Variants in UGT2A2 observed in about 807,000 individuals in gnomAD.
The protein encoded by UGT2A2 is UDP-glucuronosyltransferase 2A2.
Under a neutral mutation model 50.7 loss-of-function variants are expected in UGT2A2, and 60 were observed. That is an observed-to-expected ratio of 1.18 (90% CI 0.96 to 1.47). The LOEUF (loss-of-function observed/expected upper bound fraction) is 1.47, where lower values mean the gene tolerates loss of function less well. Ranked by LOEUF, UGT2A2 falls within the 40% of genes most tolerant of loss-of-function variation. UGT2A2 has a pLI of 0.00. For synonymous variants in UGT2A2, 242 were observed against 214.6 expected, an observed-to-expected ratio of 1.13 and a Z score of -1.11; for missense variants, 762 against 634.0, an observed-to-expected ratio of 1.20 and a Z score of -2.17.
At chr4:69,633,807 G>A (rs1721518136) in intron 1 of UGT2A2, among the ~76,000 whole-genome samples, 1 of 152,172 alleles carries the variant, frequency 6.6e-6, no homozygotes, top group African/African-American at 2.4e-5. Context: ...TGTGGGGACT[G>A]ATAAGCGGAT....
chr4:69,594,477 G>A lies in UGT2A2; in HGVS notation c.1331C>T (p.Ser444Phe), dbSNP rs773148820. ...AGTTTTTAGGAGCCTTAGTACTTACGAAGGTTCATTAATGACTGTTCTCAA... is the reference window on the plus strand; with the variant it reads ...AGTTTTTAGGAGCCTTAGTACTTACAAAGGTTCATTAATGACTGTTCTCAA... The part of the protein sequence containing the change: ...SALRTVINEP[S>F]YKENAMRLSR... The change falls in exon 5 of 6, where the codon TCT (serine) becomes TTT (phenylalanine). Residue 444 changes from serine to phenylalanine, a missense_variant and splice_region_variant. Transcript: ENST00000604629. The A allele has an allele frequency of 6.8e-6, 11 of 1,613,928 alleles. No individual in the cohort carries two copies. The African/African-American group carries it at 8.0e-5, about 12-fold the overall frequency.
At chr4:69,591,684 G>T (rs1264041684) in intron 5 of UGT2A2, among the ~76,000 whole-genome samples, 1 of 152,086 alleles carries the variant, frequency 6.6e-6, no homozygotes, top group Non-Finnish European at 1.5e-5. Flanking sequence ...AGTCCATTTG[G>T]ATGGTTGGGT....
chr4:69,607,169 T>C (rs1026738253), intron 1 of UGT2A2, among the ~76,000 whole-genome samples: 3 of 132,274 alleles, frequency 2.3e-5, no homozygotes, highest in African/African-American at 8.6e-5. Context: ...CTTCAAACTA[T>C]ACTGCAAGGC....
Position 69,599,451 on chromosome 4 carries a change from GA to G in UGT2A2, c.743-58del, listed in dbSNP as rs1014011615. 8.9e-5 allele frequency: 140 copies of G among 1,572,402 alleles called. No homozygotes were observed. The African/African-American group carries it at 1.4e-3, about 16-fold the overall frequency. On this transcript the variant is annotated intron_variant, in intron 1 of 5. Coordinates refer to ENST00000604629, the MANE Select transcript of UGT2A2 (RefSeq NM_001105677.2). ...AATTAGCTTATATGTTTGCTGAGGA[GA>G]AAAAAAAGCTACCAGTAATTTCCTG... is the stretch of plus-strand genomic sequence containing the variant.
intron 1 of UGT2A2, among the ~76,000 whole-genome samples, chr4:69,623,926 G>A (rs1720895342): frequency 6.6e-6 from 1 of 151,520 alleles, no homozygotes; most frequent in Admixed American, 6.6e-5. Flanking sequence ...TGGCCAGAAT[G>A]CCCAGGACAA....
Position 69,588,749 on chromosome 4 carries a change from G to A in UGT2A2, c.*623C>T, listed in dbSNP as rs1718401113. On this transcript the variant is annotated 3_prime_UTR_variant, in exon 6 of 6. Coordinates refer to ENST00000604629, the MANE Select transcript of UGT2A2 (RefSeq NM_001105677.2). ...AAGAATATATGTTGAAGAAAGGCAG[G>A]CAAGTTATGCCGTGATTTTCTAGAT... 6.6e-6 allele frequency: 1 copy of A among 151,988 alleles called. No homozygotes were observed. The highest frequency in any genetic ancestry group is 2.4e-5 in the African/African-American group (1 of 41,386). The allele number at this position is 151,988 out of a possible 1,614,324, so 9.4% of individuals were successfully genotyped here.
At chr4:69,638,229 T>C (rs1442880365) in intron 1 of UGT2A2, among the ~76,000 whole-genome samples, 3 of 151,822 alleles carry the variant, frequency 2.0e-5, no homozygotes, top group Non-Finnish European at 4.4e-5. Flanking sequence ...GAGAAGGAAA[T>C]AAAAATATAA....
At chr4:69,633,084 GAAGT>G (rs1721476291) in intron 1 of UGT2A2, among the ~76,000 whole-genome samples, 2 of 152,222 alleles carry the variant, frequency 1.3e-5, no homozygotes, top group African/African-American at 2.4e-5. Flanking sequence ...TGAAGAATGA[GAAGT>G]AAGAGGTAGG....
intron 1 of UGT2A2, among the ~76,000 whole-genome samples, chr4:69,627,476 G>A (rs200667558): frequency 1.6e-5 from 1 of 63,430 alleles, no homozygotes; most frequent in Non-Finnish European, 3.3e-5. Flanking sequence ...AGGCAGGCAG[G>A]CAGGCAGGCA....
chr4:69,621,091 G>T (rs28776197), intron 1 of UGT2A2, among the ~76,000 whole-genome samples: 6,743 of 151,876 alleles, frequency 0.044, 199 homozygotes, highest in Middle Eastern at 0.071. Context: ...ATAGAAAAAG[G>T]AAATATTTTA....
At chr4:69,635,327 C>T (rs866239133) in intron 1 of UGT2A2, among the ~76,000 whole-genome samples, 3 of 152,062 alleles carry the variant, frequency 2.0e-5, no homozygotes, top group Admixed American at 6.6e-5. Context: ...ATCTACAGTG[C>T]GCTGGGATGG....
At chr4:69,616,691 G>C (rs1027721717) in intron 1 of UGT2A2, among the ~76,000 whole-genome samples, 2 of 151,768 alleles carry the variant, frequency 1.3e-5, no homozygotes, top group African/African-American at 4.8e-5. Context: ...TTCTAACTAG[G>C]ATTTGCGATA....
intron 1 of UGT2A2, among the ~76,000 whole-genome samples, chr4:69,608,922 T>C (rs1289894184): frequency 6.6e-6 from 1 of 152,064 alleles, no homozygotes; most frequent in African/African-American, 2.4e-5. Context: ...AGCAAAACCA[T>C]AGCTTCTATT....
At chr4:69,636,317 C>T (rs1721708762) in intron 1 of UGT2A2, among the ~76,000 whole-genome samples, 1 of 152,134 alleles carries the variant, frequency 6.6e-6, no homozygotes, top group Non-Finnish European at 1.5e-5. Context: ...TATCAGTTTA[C>T]AGTTAGCAGG....
chr4:69,598,441 C>T (rs960919030), intron 2 of UGT2A2, among the ~76,000 whole-genome samples: 9 of 152,034 alleles, frequency 5.9e-5, no homozygotes, highest in African/African-American at 2.2e-4. Context: ...TTCCACATTT[C>T]TTTTCTGAAG....
At chr4:69,614,359 T>C (rs921929588) in intron 1 of UGT2A2, among the ~76,000 whole-genome samples, 1 of 151,954 alleles carries the variant, frequency 6.6e-6, no homozygotes, top group East Asian at 1.9e-4. Context: ...GTTCATAGAA[T>C]AGAGGAATCG....
chr4:69,628,586 C>T (rs1242383295), intron 1 of UGT2A2, among the ~76,000 whole-genome samples: 1 of 151,252 alleles, frequency 6.6e-6, no homozygotes, highest in Non-Finnish European at 1.5e-5. Context: ...GAAGCCATCA[C>T]TCTTCAAATT....
intron 1 of UGT2A2, among the ~76,000 whole-genome samples, chr4:69,610,556 T>C (rs895411966): frequency 6.6e-6 from 1 of 152,194 alleles, no homozygotes; most frequent in Non-Finnish European, 1.5e-5. Flanking sequence ...GTGTTATGAA[T>C]TGAATTGTAC....
At chr4:69,610,213 A>G (rs1719954206) in intron 1 of UGT2A2, among the ~76,000 whole-genome samples, 1 of 151,250 alleles carries the variant, frequency 6.6e-6, no homozygotes, top group Non-Finnish European at 1.5e-5. Flanking sequence ...AAAGTTCATG[A>G]GTCAATCTTG....
Sources: gnomAD v4.1 joint callset for allele counts (sites outside exome capture counted in the v4.1 genomes callset) on GRCh38, gnomAD v4.1.1 for gene constraint, MANE v1.5 for transcripts, NCBI Gene and HGNC (gene_info 2026-07-23, HGNC 2026-07-21) for gene names.